The following NRG2 variants were observed in gnomAD, a reference collection of about 807,000 sequenced individuals.
The protein encoded by NRG2 is pro-neuregulin-2, membrane-bound isoform.
Under a neutral mutation model 73.9 loss-of-function variants are expected in NRG2, and 27 were observed. The observed-to-expected ratio is 0.37, with a 90% CI of 0.27 to 0.50. The LOEUF is 0.50. NRG2 is among the 20% of genes least tolerant of loss of function. NRG2 has a pLI of 0.96. For synonymous variants in NRG2, 532 were observed against 541.0 expected (o/e 0.98, Z 0.23); for missense variants, 1,126 against 1,210.1 (o/e 0.93, Z 1.03).
At chr5:139,861,356 G>A (rs7732915) in intron 5 of NRG2, among the ~76,000 whole-genome samples, 4 of 152,240 alleles carry the variant, frequency 2.6e-5, no homozygotes, top group East Asian at 1.9e-4. Flanking sequence ...GAAGTCCTGC[G>A]CATTATCCAT....
chr5:139,847,948 G>A lies in NRG2; in HGVS notation c.2522C>T (p.Pro841Leu), dbSNP rs527935115. The change falls in exon 10 of 10, where the codon CCG becomes CTG. Residue 841 changes from proline (P) to leucine (L), a missense_variant. Pro to Leu is a moderately conservative substitution (Grantham distance 98, BLOSUM62 -3). This residue lies in a region of NRG2 where 402 missense variants were observed against 357.8 expected (regional missense o/e 1.12). Coordinates refer to ENST00000361474, the MANE Select transcript of NRG2 (RefSeq NM_004883.3). ...ASSRHSRGPPPRAKQDSAPL is the reference protein window; with the variant it reads ...ASSRHSRGPPLRAKQDSAPL ...TGGCGCCGAGTCCTGCTTGGCCCGC[G>A]GGGGCGGCCCGCGGCTGTGTCTGCT... The A allele has an allele frequency of 1.9e-5, 28 of 1,504,750 alleles. No homozygotes were observed. In the African/African-American group the frequency reaches 3.9e-4, roughly 21 times the overall value. 93.2% of individuals were successfully genotyped at this position (1,504,750 alleles called of 1,614,324 possible).
chr5:139,920,443 A>G (rs2126313786), intron 1 of NRG2, among the ~76,000 whole-genome samples: 1 of 152,280 alleles, frequency 6.6e-6, no homozygotes, highest in Middle Eastern at 3.4e-3. Flanking sequence ...GGTAACCCAG[A>G]CTCATAGGGT....
chr5:140,013,297 A>G (rs960841536), intron 1 of NRG2, among the ~76,000 whole-genome samples: 9 of 152,182 alleles, frequency 5.9e-5, no homozygotes, highest in African/African-American at 2.2e-4. Flanking sequence ...CTAAGAAAGC[A>G]TTTAGACAAT....
intron 2 of NRG2, among the ~76,000 whole-genome samples, chr5:139,884,454 G>C (rs1051300853): frequency 1.3e-5 from 2 of 152,218 alleles, no homozygotes; most frequent in Non-Finnish European, 2.9e-5. Context: ...TTGTAGGCCA[G>C]GAAGAGGAGT....
At chr5:139,961,194 C>T (rs6580323) in intron 1 of NRG2, among the ~76,000 whole-genome samples, 76,797 of 151,960 alleles carry the variant, frequency 0.51, 20,716 homozygotes, top group African/African-American at 0.69. Flanking sequence ...TTGATTGGGT[C>T]TGTGGTCTGA....
At chr5:140,009,002 G>T (rs915653222) in intron 1 of NRG2, among the ~76,000 whole-genome samples, 1 of 152,186 alleles carries the variant, frequency 6.6e-6, no homozygotes, top group African/African-American at 2.4e-5. Context: ...TAGCACTAGT[G>T]CATATTCAGT....
rs1215044706 is a variant in NRG2 at position 139,848,283 on chromosome 5, C to A, written c.2187G>T (p.Ala729=). 51 of 1,118,566 alleles carry A rather than the reference C, an allele frequency of 4.6e-5. No homozygotes were observed. The African/African-American group carries it at 4.7e-4, about 10-fold the overall frequency. The allele number at this position is 1,118,566 out of a possible 1,614,324, so 69.3% of individuals were successfully genotyped here. The change falls in exon 10 of 10, where the codon GCG becomes GCT. Residue 729 remains alanine (A), a synonymous_variant. Coordinates refer to ENST00000361474, the MANE Select transcript of NRG2 (RefSeq NM_004883.3). ...CCGACGTCCTGCGGGACGCACCGCGCGCGCGCGGCCGCGGCGGCGGCGGGG... is the reference window on the plus strand; with the variant it reads ...CCGACGTCCTGCGGGACGCACCGCGAGCGCGCGGCCGCGGCGGCGGCGGGG... ...CAPPPPPRPR[A]RGASRRTSAG...
Position 139,865,486 on chromosome 5 carries a change from G to T in NRG2, c.1189+63C>A. The T allele has an allele frequency of 1.6e-6, 2 of 1,276,386 alleles. No homozygotes were observed. The highest frequency in any genetic ancestry group is 1.2e-5 in the South Asian group (1 of 81,326). The allele number at this position is 1,276,386 out of a possible 1,614,324, so 79.1% of individuals were successfully genotyped here. A position where few individuals can be genotyped will look rare whatever the true frequency, so the allele number is the denominator to read the frequency against. Reference sequence around the variant, plus strand: ...CACCCCTGGCCCTATGCCCTACATTGGGGGGACTGCACCCAGAAGCTTTCT... The same window carrying T: ...CACCCCTGGCCCTATGCCCTACATTTGGGGGACTGCACCCAGAAGCTTTCT... On this transcript the variant is annotated intron_variant, in intron 5 of 9. Coordinates refer to ENST00000361474, the MANE Select transcript of NRG2 (RefSeq NM_004883.3). The surrounding 1 kb of genome is among the most constrained non-coding windows in gnomAD (Gnocchi z 5.2).
rs916965086 is a variant in NRG2, at chr5:139,848,379, C to T, written c.2091G>A (p.Leu697=). The change falls in exon 10 of 10, where the codon CTG becomes CTA. Residue 697 remains leucine (L), a synonymous_variant. Coordinates refer to ENST00000361474, the MANE Select transcript of NRG2 (RefSeq NM_004883.3). ...GGAAGGGGCTGGCAGGCAGGCTGCCCAGGCTGCCGCCGAGCGCGCAGGTCC... is the reference window on the plus strand; with the variant it reads ...GGAAGGGGCTGGCAGGCAGGCTGCCTAGGCTGCCGCCGAGCGCGCAGGTCC... ...RRGTCALGGS[L]GSLPASPFRI... The T allele has an allele frequency of 3.2e-6, 4 of 1,249,700 alleles. No homozygotes were observed. The East Asian group carries it at 1.3e-4, about 41-fold the overall frequency. 77.4% of individuals were successfully genotyped at this position (1,249,700 alleles called of 1,614,324 possible). A position where few individuals can be genotyped will look rare whatever the true frequency, so the allele number is the denominator to read the frequency against.
rs749131738 is a variant in NRG2, at chr5:139,851,710, G to A, written c.1666C>T (p.Arg556Trp). ...KCNSPACVEA[R>W]ARRAAAYNLE... ...TTGTAGGCTGCTGCCCGCCTTGCCCGGGCCTCCACACATGCTGGGCTGTTG... is the reference window on the plus strand; with the variant it reads ...TTGTAGGCTGCTGCCCGCCTTGCCCAGGCCTCCACACATGCTGGGCTGTTG... Residue 556 changes from arginine (R) to tryptophan (W), a missense_variant, in exon 9 of 10, where the codon CGG (arginine) becomes TGG (tryptophan). Arg to Trp is a moderately radical substitution (Grantham distance 101). Transcript: ENST00000361474. This position sits in a 1 kb window ranked among gnomAD's most constrained non-coding sequence, Gnocchi z 4.2. 6 of 1,614,082 alleles carry A rather than the reference G, an allele frequency of 3.7e-6. No homozygotes were observed. The highest frequency in any genetic ancestry group is 1.7e-5 in the Admixed American group (1 of 60,014).
intron 1 of NRG2, among the ~76,000 whole-genome samples, chr5:139,977,081 T>C (rs1756431117): frequency 6.6e-6 from 1 of 152,174 alleles, no homozygotes; most frequent in Non-Finnish European, 1.5e-5. Context: ...AGTGAGGAAA[T>C]CTGAATAAAG....
intron 1 of NRG2, among the ~76,000 whole-genome samples, chr5:139,960,493 C>T (rs1323702458): frequency 6.6e-6 from 1 of 152,164 alleles, no homozygotes; most frequent in Non-Finnish European, 1.5e-5. Flanking sequence ...CCAGCCTGGG[C>T]AACAGCGAGA....
At position 139,855,697 on chromosome 5, in the gene NRG2, A is replaced by G; in HGVS notation, c.1271T>C (p.Val424Ala). 6.2e-7 allele frequency: 1 copy of G among 1,613,948 alleles called. No homozygotes were observed. The highest frequency in any genetic ancestry group is 8.5e-7 in the Non-Finnish European group (1 of 1,179,886). Residue 424 changes from valine to alanine, a missense_variant, in exon 6 of 10, where the codon GTG becomes GCG. Coordinates refer to ENST00000361474, the MANE Select transcript of NRG2 (RefSeq NM_004883.3). ...TCACTTGGTCTTGCAGTAGGCCACC[A>G]CACAGACGATGCCCACGACCAGCAG... is the stretch of plus-strand genomic sequence containing the variant. Reference protein sequence around the residue: ...VALLVVGIVCVVAYCKTKKQR... With the variant: ...VALLVVGIVCAVAYCKTKKQR...
chr5:139,989,981 G>A (rs1441761267), intron 1 of NRG2, among the ~76,000 whole-genome samples: 1 of 151,178 alleles, frequency 6.6e-6, no homozygotes, highest in East Asian at 1.9e-4. Context: ...GTAGAGACGG[G>A]GTTTCACCAT....
chr5:139,994,776 G>T (rs145305733), intron 1 of NRG2, among the ~76,000 whole-genome samples: 2 of 152,164 alleles, frequency 1.3e-5, no homozygotes, highest in African/African-American at 4.8e-5. Context: ...GAAGGACTGA[G>T]CTGGCCTAGG....
At chr5:139,877,284 G>A (rs1451221953) in intron 3 of NRG2, among the ~76,000 whole-genome samples, 7 of 152,224 alleles carry the variant, frequency 4.6e-5, no homozygotes, top group African/African-American at 1.7e-4. Flanking sequence ...TATAAGGAAG[G>A]CCTACTCTAA....
At chr5:139,874,537 C>G (rs1004974694) in intron 3 of NRG2, among the ~76,000 whole-genome samples, 3 of 152,234 alleles carry the variant, frequency 2.0e-5, no homozygotes, top group African/African-American at 7.2e-5. Flanking sequence ...GCTACCTCCT[C>G]CCCTAGTCCA....
chr5:139,975,667 C>T (rs264343), intron 1 of NRG2, among the ~76,000 whole-genome samples: 47,204 of 152,118 alleles, frequency 0.31, 8,381 homozygotes, highest in African/African-American at 0.49. Flanking sequence ...GCTGGGGCAG[C>T]TGGGCTGGGC....
chr5:139,993,418 C>T (rs1191106062), intron 1 of NRG2, among the ~76,000 whole-genome samples: 1 of 152,178 alleles, frequency 6.6e-6, no homozygotes, highest in East Asian at 1.9e-4. Context: ...TAAGCTTTGG[C>T]CATTAGCTAT....
Sources: allele counts gnomAD v4.1 joint callset (sites outside exome capture counted in the v4.1 genomes callset), GRCh38; gene constraint gnomAD v4.1.1; regional missense constraint gnomAD v4.1.1; non-coding constraint Gnocchi (gnomAD v3.1); transcripts MANE v1.5; gene names NCBI Gene and HGNC (gene_info 2026-07-23, HGNC 2026-07-21).